The following PCDHGB3 variants were observed in gnomAD, a reference collection of about 807,000 sequenced individuals.
PCDHGB3 encodes protocadherin gamma-B3.
A neutral mutation model predicts 59.2 loss-of-function variants in PCDHGB3; 40 were observed. The ratio of observed to expected loss-of-function variants is 0.68; its 90% CI spans 0.52 to 0.88. PCDHGB3 has a LOEUF of 0.88. PCDHGB3 is among the 40% of genes least tolerant of loss of function. The pLI, the probability that PCDHGB3 is intolerant of heterozygous loss-of-function variation, is 0.00. For synonymous variants in PCDHGB3, 581 were observed against 503.6 expected, an observed-to-expected ratio of 1.15 and a Z score of -2.06; for missense variants, 1,309 against 1,187.9, an observed-to-expected ratio of 1.10 and a Z score of -1.50.
rs765754054 is a variant in PCDHGB3 at position 141,503,598 on chromosome 5, CA to C, written c.2475-1779del. Among the ~76,000 whole-genome samples, 277 of 65,728 alleles carry C rather than the reference CA, an allele frequency of 4.2e-3. 2 individuals are homozygous for C. The highest frequency in any genetic ancestry group is 0.012 in the Middle Eastern group (1 of 86). The allele number at this position is 65,728 out of a possible 152,430, so 43.1% of individuals were successfully genotyped here. A position where few individuals can be genotyped will look rare whatever the true frequency, so the allele number is the denominator to read the frequency against. ...TGGGTGACAGAGCGAGACTCCAGCT[CA>C]AAAAAAAAAAAAAAAGAAAAAAGAA... On this transcript the variant is annotated intron_variant, in intron 2 of 3. Coordinates refer to ENST00000576222, the MANE Select transcript of PCDHGB3 (RefSeq NM_018924.5).
At chr5:141,462,020 T>G (rs1371390043) in intron 1 of PCDHGB3, among the ~76,000 whole-genome samples, 6 of 152,110 alleles carry the variant, frequency 3.9e-5, no homozygotes, top group Non-Finnish European at 8.8e-5. Flanking sequence ...ACGGGGTTTC[T>G]TCATGTTGGT....
intron 1 of PCDHGB3, among the ~76,000 whole-genome samples, chr5:141,449,310 A>G (rs1006876700): frequency 4.6e-5 from 7 of 152,112 alleles, no homozygotes; most frequent in Non-Finnish European, 7.4e-5. Context: ...TATGTATTAT[A>G]TAATTGTATC....
At position 141,487,791 on chromosome 5, in the gene PCDHGB3, C is replaced by T; in HGVS notation, c.2416-7016C>T. ...CTTTGTAACTGTTTCGTGAATTAAC[C>T]AGAGTTGTCACAGTTTAGCATTGGG... On this transcript the variant is annotated intron_variant, in intron 1 of 3. Coordinates refer to ENST00000576222, the MANE Select transcript of PCDHGB3 (RefSeq NM_018924.5). This position sits in a 1 kb window ranked among gnomAD's most constrained non-coding sequence, Gnocchi z 5.0. 6.6e-7 allele frequency: 1 copy of T among 1,510,152 alleles called. No individual in the cohort carries two copies. The highest frequency in any genetic ancestry group is 1.4e-5 in the African/African-American group (1 of 72,206). The allele number at this position is 1,510,152 out of a possible 1,614,324, so 93.5% of individuals were successfully genotyped here. A position where few individuals can be genotyped will look rare whatever the true frequency, so the allele number is the denominator to read the frequency against.
intron 1 of PCDHGB3, chr5:141,402,978 T>C (rs746626227): frequency 2.5e-6 from 4 of 1,608,452 alleles, no homozygotes; most frequent in Non-Finnish European, 3.4e-6. Context: ...AAATGCCAGC[T>C]CCGCGGAAGA....
intron 1 of PCDHGB3, chr5:141,410,735 T>A (rs2095420224): frequency 1.5e-6 from 2 of 1,336,188 alleles, no homozygotes; most frequent in East Asian, 4.7e-5. Context: ...CATAGCTTTT[T>A]ACAATATTTT....
chr5:141,474,153 A>G (rs1424442765), intron 1 of PCDHGB3, among the ~76,000 whole-genome samples: 3 of 152,254 alleles, frequency 2.0e-5, no homozygotes, highest in Non-Finnish European at 4.4e-5. Flanking sequence ...TATCAAGAAA[A>G]TGACAGGCCT....
intron 1 of PCDHGB3, chr5:141,383,069 G>A (rs370612007): frequency 6.2e-7 from 1 of 1,613,886 alleles, no homozygotes; most frequent in South Asian, 1.1e-5. Flanking sequence ...CTGGAGCCCC[G>A]GGAGCTGGCG....
intron 1 of PCDHGB3, among the ~76,000 whole-genome samples, chr5:141,425,915 C>G (rs537499239): frequency 1.3e-5 from 2 of 152,336 alleles, no homozygotes; most frequent in East Asian, 3.9e-4. Context: ...AAAACAGTCA[C>G]TACGAAAACT....
intron 2 of PCDHGB3, among the ~76,000 whole-genome samples, chr5:141,505,092 G>A (rs965653546): frequency 5.9e-5 from 9 of 152,170 alleles, no homozygotes; most frequent in African/African-American, 2.2e-4. Flanking sequence ...AACCCAGGAG[G>A]TGGATGTTGC....
At chr5:141,405,326 T>TGC in intron 1 of PCDHGB3, 1 of 1,614,220 alleles carries the variant, frequency 6.2e-7, no homozygotes, top group Non-Finnish European at 8.5e-7. Flanking sequence ...TGAGCCTTTG[T>TGC]GCGTCTCTGT....
Position 141,485,931 on chromosome 5 carries a change from A to C in PCDHGB3, c.2416-8876A>C, listed in dbSNP as rs761979804. 3 of 1,614,192 alleles carry C rather than the reference A, an allele frequency of 1.9e-6. No individual in the cohort carries two copies. In the South Asian group the frequency reaches 3.3e-5, roughly 18 times the overall value. On this transcript the variant is annotated intron_variant, in intron 1 of 3. Transcript: ENST00000576222. This position sits in a 1 kb window ranked among gnomAD's most constrained non-coding sequence, Gnocchi z 5.7. Reference sequence around the variant, plus strand: ...TCCAGCTACAGGATTAGTGTGTTGGAGAGCGCACCAGCGGGCATGGTGCTC... The same window carrying C: ...TCCAGCTACAGGATTAGTGTGTTGGCGAGCGCACCAGCGGGCATGGTGCTC...
chr5:141,484,603 G>T (rs1460433183), intron 1 of PCDHGB3, among the ~76,000 whole-genome samples: 1 of 152,008 alleles, frequency 6.6e-6, no homozygotes, highest in Non-Finnish European at 1.5e-5. Context: ...TAGAATACTG[G>T]TTGATGACAA....
Position 141,383,135 on chromosome 5 carries a change from A to T in PCDHGB3, c.2415+10326A>T. On this transcript the variant is annotated intron_variant, in intron 1 of 3. Coordinates refer to ENST00000576222, the MANE Select transcript of PCDHGB3 (RefSeq NM_018924.5). ...AGGACGCAGCTTTTCGCCCTGAACC[A>T]GCGCAGCGGCAGCTTGGTCACTGCG... The T allele has an allele frequency of 1.2e-5, 20 of 1,614,114 alleles. No homozygotes were observed. Among genetic ancestry groups the T allele is most frequent in the Non-Finnish European group, 1.7e-5 (20 of 1,179,996 alleles).
At chr5:141,479,953 CAGTT>C (rs1198160373) in intron 1 of PCDHGB3, among the ~76,000 whole-genome samples, 1 of 152,182 alleles carries the variant, frequency 6.6e-6, no homozygotes, top group African/African-American at 2.4e-5. Flanking sequence ...TTGGATTTGG[CAGTT>C]AGTCAAATGA....
chr5:141,403,533 T>G (rs1307203985), intron 1 of PCDHGB3: 2 of 1,613,992 alleles, frequency 1.2e-6, no homozygotes, highest in African/African-American at 2.7e-5. Flanking sequence ...AACCCAGAGC[T>G]GGTGCTGGAG....
intron 1 of PCDHGB3, chr5:141,409,346 G>A (rs573212606): frequency 4.3e-6 from 7 of 1,613,998 alleles, no homozygotes; most frequent in South Asian, 2.2e-5. Context: ...AAATGGAGAA[G>A]TCAGGTGTAA....
At chr5:141,453,852 T>A (rs905734700) in intron 1 of PCDHGB3, among the ~76,000 whole-genome samples, 5 of 152,164 alleles carry the variant, frequency 3.3e-5, no homozygotes, top group African/African-American at 1.2e-4. Context: ...ACAGAGCACT[T>A]TGAAAATAAC....
At chr5:141,496,630 T>C (rs2099770022) in intron 2 of PCDHGB3, among the ~76,000 whole-genome samples, 1 of 152,202 alleles carries the variant, frequency 6.6e-6, no homozygotes, top group Non-Finnish European at 1.5e-5. Context: ...TCAAAAGGCT[T>C]GGGCTGCCCT....
chr5:141,414,161 G>A (rs960511656), intron 1 of PCDHGB3: 1 of 1,603,276 alleles, frequency 6.2e-7, no homozygotes, highest in Non-Finnish European at 8.5e-7. Flanking sequence ...GAAGATGGAG[G>A]AGCATATCTT....
Sources: gnomAD v4.1 joint callset for allele counts (sites outside exome capture counted in the v4.1 genomes callset) on GRCh38, gnomAD v4.1.1 for gene constraint, Gnocchi (gnomAD v3.1) non-coding constraint, MANE v1.5 for transcripts, NCBI Gene and HGNC (gene_info 2026-07-23, HGNC 2026-07-21) for gene names.